Variants in MAML3 observed in about 807,000 individuals in gnomAD.
The protein encoded by MAML3 is mastermind like transcriptional coactivator 3, also known as mastermind-like protein 3.
In MAML3, 27 loss-of-function variants were observed where a neutral mutation model predicts 101.9. The observed-to-expected ratio is 0.27, with a 90% confidence interval of 0.20 to 0.37. MAML3 has a LOEUF of 0.37. Among genes scored for constraint, MAML3 ranks in the 10% least tolerant of loss-of-function variants. The probability of loss-of-function intolerance (pLI) is 1.00; values close to 1 mark genes in which losing one functional copy is unlikely to be tolerated. For missense variants in MAML3, 1,316 were observed against 1,444.9 expected (o/e 0.91, Z 1.45); for synonymous variants, 501 against 555.9 (o/e 0.90, Z 1.39).
At chr4:140,136,349 G>A (rs887769623) in intron 1 of MAML3, among the ~76,000 whole-genome samples, 3 of 152,108 alleles carry the variant, frequency 2.0e-5, no homozygotes, top group African/African-American at 7.2e-5. Flanking sequence ...ATCCCAAAAT[G>A]TTCTAGATAC....
intron 2 of MAML3, among the ~76,000 whole-genome samples, chr4:139,875,865 G>A (rs1732105001): frequency 7.4e-6 from 1 of 134,460 alleles, no homozygotes; most frequent in Admixed American, 8.4e-5. Flanking sequence ...TCCAGTGTAG[G>A]ATTACATAGT....
intron 1 of MAML3, among the ~76,000 whole-genome samples, chr4:140,033,480 G>A (rs1726938635): frequency 6.6e-6 from 1 of 152,166 alleles, no homozygotes; most frequent in African/African-American, 2.4e-5. Flanking sequence ...GAAAAACAAA[G>A]ATCAGAAGGA....
At chr4:140,032,831 A>T (rs1289294990) in intron 1 of MAML3, among the ~76,000 whole-genome samples, 1 of 151,744 alleles carries the variant, frequency 6.6e-6, no homozygotes, top group Non-Finnish European at 1.5e-5. Context: ...GTTCCTTACA[A>T]TGAATTTATG....
chr4:139,949,179 C>G (rs1338295500), intron 1 of MAML3, among the ~76,000 whole-genome samples: 1 of 152,112 alleles, frequency 6.6e-6, no homozygotes, highest in Non-Finnish European at 1.5e-5. Flanking sequence ...CGACACCCAG[C>G]TAATTTTTTT....
At chr4:139,773,696 A>G (rs1294229423) in intron 2 of MAML3, among the ~76,000 whole-genome samples, 1 of 152,226 alleles carries the variant, frequency 6.6e-6, no homozygotes, top group Non-Finnish European at 1.5e-5. Context: ...CTAACAATTC[A>G]GATAAACAGG....
chr4:139,928,407 A>G (rs1217216195), intron 1 of MAML3, among the ~76,000 whole-genome samples: 1 of 152,242 alleles, frequency 6.6e-6, no homozygotes, highest in Non-Finnish European at 1.5e-5. Flanking sequence ...ATGGGCTACA[A>G]GAAAACATAT....
At chr4:140,152,774 A>AC in intron 1 of MAML3, 86 bp downstream of exon 1, 2 of 1,541,680 alleles carry the variant, frequency 1.3e-6, no homozygotes, top group South Asian at 2.5e-5. Flanking sequence ...AGACCCTTGT[A>AC]CCCCCATGTA....
intron 1 of MAML3, among the ~76,000 whole-genome samples, chr4:139,968,392 G>C (rs1734177977): frequency 6.6e-6 from 1 of 151,408 alleles, no homozygotes; most frequent in South Asian, 2.1e-4. Context: ...ATTTGCAATT[G>C]AAGTTAAACA....
intron 1 of MAML3, among the ~76,000 whole-genome samples, chr4:139,942,164 G>A (rs965664489): frequency 1.4e-5 from 2 of 146,748 alleles, no homozygotes; most frequent in South Asian, 2.2e-4. Context: ...GACGGAGGGA[G>A]GGAGGGAAGG....
chr4:139,733,560 A>G (rs925025758), intron 2 of MAML3, among the ~76,000 whole-genome samples: 1 of 94,894 alleles, frequency 1.1e-5, no homozygotes, highest in Admixed American at 1.5e-4. Context: ...ACAGTGTGAA[A>G]AAAAAAAAAA....
At chr4:139,834,502 G>C (rs138770628) in intron 2 of MAML3, among the ~76,000 whole-genome samples, 5 of 152,342 alleles carry the variant, frequency 3.3e-5, no homozygotes, top group Admixed American at 3.3e-4. Flanking sequence ...AGCGCTTCTT[G>C]AAGGTGCGTT....
intron 1 of MAML3, among the ~76,000 whole-genome samples, chr4:139,892,065 C>T (rs1732510432): frequency 6.6e-6 from 1 of 152,222 alleles, no homozygotes; most frequent in Non-Finnish European, 1.5e-5. Context: ...CTTCTCTAGG[C>T]TGACGGCCCC....
chr4:139,730,939 A>T, intron 2 of MAML3: 1 of 479,652 alleles, frequency 2.1e-6, no homozygotes, highest in East Asian at 3.3e-5. Flanking sequence ...TGACTATTGC[A>T]TATAGACTGG....
chr4:139,984,721 GCT>G (rs1251339813), intron 1 of MAML3, among the ~76,000 whole-genome samples: 7 of 152,216 alleles, frequency 4.6e-5, no homozygotes, highest in Non-Finnish European at 8.8e-5. Context: ...AGGATTTTAT[GCT>G]TCAGTCTTGA....
intron 2 of MAML3, among the ~76,000 whole-genome samples, chr4:139,881,207 A>C (rs1732212818): frequency 1.3e-5 from 2 of 152,160 alleles, no homozygotes; most frequent in Non-Finnish European, 2.9e-5. Flanking sequence ...GACAAGAAGA[A>C]GGCGGGTGGA....
At chr4:140,134,382 T>G (rs1391390091) in intron 1 of MAML3, 2 of 456,608 alleles carry the variant, frequency 4.4e-6, no homozygotes, top group Non-Finnish European at 8.8e-6. Flanking sequence ...CCAGATGCTC[T>G]GAATCACCTC....
chr4:139,853,715 T>G (rs1284562617), intron 2 of MAML3, among the ~76,000 whole-genome samples: 1 of 152,188 alleles, frequency 6.6e-6, no homozygotes, highest in African/African-American at 2.4e-5. Context: ...AGAAACTTCA[T>G]TACCTTCCAA....
At chr4:140,112,176 T>C (rs944058203) in intron 1 of MAML3, among the ~76,000 whole-genome samples, 8 of 152,318 alleles carry the variant, frequency 5.3e-5, no homozygotes, top group African/African-American at 1.9e-4. Context: ...TTTAATTGGT[T>C]ATAATTCATT....
chr4:140,087,490 G>A (rs1011742639), intron 1 of MAML3, among the ~76,000 whole-genome samples: 4 of 152,128 alleles, frequency 2.6e-5, no homozygotes, highest in African/African-American at 7.2e-5. Context: ...TCTACGCTAC[G>A]AACAATAAAG....
Sources: allele counts gnomAD v4.1 joint callset (sites outside exome capture counted in the v4.1 genomes callset), GRCh38; gene constraint gnomAD v4.1.1; transcripts MANE v1.5; gene names NCBI Gene and HGNC (gene_info 2026-07-23, HGNC 2026-07-21).